The following TTC7B variants were observed in gnomAD, a reference collection of about 807,000 sequenced individuals.
The protein encoded by TTC7B is tetratricopeptide repeat protein 7B.
In TTC7B, 28 loss-of-function variants were observed where a neutral mutation model predicts 106.8. That is an observed-to-expected ratio of 0.26 (90% CI 0.19 to 0.36). The LOEUF (loss-of-function observed/expected upper bound fraction) is 0.36. Among genes scored for constraint, TTC7B ranks in the 10% least tolerant of loss-of-function variants. The pLI is 1.00. For synonymous variants in TTC7B, 405 were observed against 430.6 expected, an observed-to-expected ratio of 0.94 and a Z score of 0.74; for missense variants, 862 against 1,076.4, an observed-to-expected ratio of 0.80 and a Z score of 2.79.
intron 1 of TTC7B, among the ~76,000 whole-genome samples, chr14:90,812,114 G>A (rs147729414): frequency 6.6e-6 from 1 of 152,262 alleles, no homozygotes; most frequent in Non-Finnish European, 1.5e-5. Context: ...CCATCCCACT[G>A]AATCCTCACA....
At chr14:90,584,594 C>T (rs992443907) in intron 18 of TTC7B, among the ~76,000 whole-genome samples, 6 of 152,190 alleles carry the variant, frequency 3.9e-5, no homozygotes, top group African/African-American at 1.4e-4. Flanking sequence ...CTTTCGGAAA[C>T]GCACACAAAG....
chr14:90,745,554 T>C (rs1276200355), intron 3 of TTC7B, among the ~76,000 whole-genome samples: 1 of 152,220 alleles, frequency 6.6e-6, no homozygotes, highest in Non-Finnish European at 1.5e-5. Flanking sequence ...ATAGCTTTTT[T>C]GCTTTTAGTT....
At chr14:90,736,581 A>G (rs977170242) in intron 4 of TTC7B, among the ~76,000 whole-genome samples, 3 of 151,588 alleles carry the variant, frequency 2.0e-5, no homozygotes, top group African/African-American at 7.3e-5. Flanking sequence ...CAGAAAAAAA[A>G]GGGGGGGTGG....
chr14:90,532,328 T>A lies in TTC7B; in HGVS notation c.*9040A>T, dbSNP rs2139750853. The A allele has an allele frequency of 6.6e-6, 1 of 152,342 alleles. No individual in the cohort carries two copies. The highest frequency in any genetic ancestry group is 6.5e-5 in the Admixed American group (1 of 15,302). 9.4% of individuals were successfully genotyped at this position (152,342 alleles called of 1,614,324 possible). A position where few individuals can be genotyped will look rare whatever the true frequency, so the allele number is the denominator to read the frequency against. On this transcript the variant is annotated 3_prime_UTR_variant, in exon 20 of 20. Transcript: ENST00000328459. The stretch of plus-strand genomic sequence containing the variant: ...GATAATTTAAAGTTGATCCCCTATT[T>A]GTACATTACAGGATGCTCTTCCCTC...
intron 3 of TTC7B, among the ~76,000 whole-genome samples, chr14:90,764,022 G>T (rs2140019581): frequency 6.6e-6 from 1 of 152,106 alleles, no homozygotes; most frequent in Non-Finnish European, 1.5e-5. Context: ...TGTAAAAGAA[G>T]AACAAAGTTA....
chr14:90,604,906 CT>C (rs1270612546), intron 17 of TTC7B, among the ~76,000 whole-genome samples: 6 of 152,216 alleles, frequency 3.9e-5, no homozygotes, highest in African/African-American at 1.4e-4. Context: ...TTCAATTTCT[CT>C]GCATAGTTTC....
At chr14:90,744,347 T>C (rs1179448614) in intron 4 of TTC7B, among the ~76,000 whole-genome samples, 1 of 152,088 alleles carries the variant, frequency 6.6e-6, no homozygotes, top group Non-Finnish European at 1.5e-5. Flanking sequence ...GGAGTTTTGC[T>C]CAATGGCCCA....
At chr14:90,621,023 G>A (rs955065648) in intron 15 of TTC7B, among the ~76,000 whole-genome samples, 1 of 152,204 alleles carries the variant, frequency 6.6e-6, no homozygotes, top group Non-Finnish European at 1.5e-5. Context: ...AAGGAGCCAG[G>A]GACACAGCAG....
intron 19 of TTC7B, among the ~76,000 whole-genome samples, chr14:90,573,119 G>A (rs1309320733): frequency 6.6e-6 from 1 of 152,270 alleles, no homozygotes; most frequent in Non-Finnish European, 1.5e-5. Context: ...CCCTTTCCAG[G>A]CCCTCAGCCT....
chr14:90,671,484 G>A (rs1886629985), intron 9 of TTC7B, among the ~76,000 whole-genome samples: 1 of 152,212 alleles, frequency 6.6e-6, no homozygotes, highest in Non-Finnish European at 1.5e-5. Flanking sequence ...AAATTCAAGA[G>A]ACAAACCTCC....
chr14:90,619,524 T>A (rs529192857), intron 15 of TTC7B, among the ~76,000 whole-genome samples: 1 of 152,284 alleles, frequency 6.6e-6, no homozygotes, highest in South Asian at 2.1e-4. Flanking sequence ...TCTTCTCTAC[T>A]CAGTATGTGC....
intron 6 of TTC7B, among the ~76,000 whole-genome samples, chr14:90,692,343 A>G (rs1887508065): frequency 1.3e-5 from 2 of 152,206 alleles, no homozygotes; most frequent in Non-Finnish European, 2.9e-5. Flanking sequence ...GGAACTGTTG[A>G]AAATATACTT....
intron 5 of TTC7B, among the ~76,000 whole-genome samples, chr14:90,723,130 A>G (rs1321897496): frequency 1.3e-5 from 2 of 152,208 alleles, no homozygotes; most frequent in Non-Finnish European, 2.9e-5. Context: ...CTCCTTTTCC[A>G]GATCTGATCC....
intron 17 of TTC7B, among the ~76,000 whole-genome samples, chr14:90,599,864 T>C (rs1892359382): frequency 6.6e-6 from 1 of 152,220 alleles, no homozygotes; most frequent in Admixed American, 6.5e-5. Context: ...AACCTGAATA[T>C]TAAGCAGCAA....
chr14:90,580,175 G>A (rs8011863), intron 18 of TTC7B, among the ~76,000 whole-genome samples: 7,455 of 152,284 alleles, frequency 0.049, 579 homozygotes, highest in African/African-American at 0.17. Flanking sequence ...TCCCTGCTGC[G>A]TCCCCAGGGA....
chr14:90,549,951 T>A (rs1276738765), intron 19 of TTC7B, among the ~76,000 whole-genome samples: 1 of 152,046 alleles, frequency 6.6e-6, no homozygotes, highest in Non-Finnish European at 1.5e-5. Context: ...AAACTAGAGA[T>A]CATAAGACTG....
At chr14:90,561,540 C>T (rs1008509474) in intron 19 of TTC7B, among the ~76,000 whole-genome samples, 1 of 152,238 alleles carries the variant, frequency 6.6e-6, no homozygotes, top group African/African-American at 2.4e-5. Flanking sequence ...CTCTCTGGCT[C>T]ACACATGTGA....
chr14:90,558,756 C>T (rs533812416), intron 19 of TTC7B, among the ~76,000 whole-genome samples: 57 of 152,298 alleles, frequency 3.7e-4, no homozygotes, highest in African/African-American at 1.4e-3. Context: ...GCATTAGCGC[C>T]GACAAACACT....
chr14:90,651,235 T>C (rs1885703534), intron 13 of TTC7B, among the ~76,000 whole-genome samples: 1 of 152,246 alleles, frequency 6.6e-6, no homozygotes, highest in African/African-American at 2.4e-5. Context: ...CTAGTTAATG[T>C]GTACTTGAAA....
Sources: gnomAD v4.1 joint callset for allele counts (sites outside exome capture counted in the v4.1 genomes callset) on GRCh38, gnomAD v4.1.1 for gene constraint, MANE v1.5 for transcripts, NCBI Gene and HGNC (gene_info 2026-07-23, HGNC 2026-07-21) for gene names.